Variants in TP53BP2 observed in about 807,000 individuals in gnomAD.
TP53BP2 encodes the protein apoptosis-stimulating of p53 protein 2.
In TP53BP2, 62 loss-of-function variants were observed where a neutral mutation model predicts 126.2. That is an observed-to-expected ratio of 0.49 (90% confidence interval 0.40 to 0.61). The LOEUF (loss-of-function observed/expected upper bound fraction) is 0.61. TP53BP2 is among the 20% of genes least tolerant of loss of function. TP53BP2 has a pLI of 0.00. For synonymous variants in TP53BP2, 485 were observed against 502.9 expected (o/e 0.96, Z 0.48); for missense variants, 1,215 against 1,402.8 (o/e 0.87, Z 2.14).
intron 16 of TP53BP2, among the ~76,000 whole-genome samples, chr1:223,786,351 C>T (rs1388386697): frequency 3.3e-5 from 5 of 152,070 alleles, no homozygotes; most frequent in African/African-American, 1.2e-4. Flanking sequence ...TGTTCTGTCT[C>T]CTAAGGTGGG....
At chr1:223,841,983 G>A (rs1473189086) in intron 1 of TP53BP2, among the ~76,000 whole-genome samples, 5 of 147,710 alleles carry the variant, frequency 3.4e-5, no homozygotes, top group African/African-American at 7.6e-5. Context: ...TGCAACCTCC[G>A]CCTCAAGGGT....
chr1:223,821,356 G>C lies in TP53BP2; in HGVS notation c.39C>G (p.Thr13=), dbSNP rs185255138. The change falls in exon 2 of 18, where the codon ACC becomes ACG. Residue 13 remains threonine, a synonymous_variant. Transcript: ENST00000343537. ...GCTGCTCATTGTTACTGAGATACAC[G>C]GTAAGAAACATCTAAAAATTAAGAG... ...FGSKMMPMFL[T]VYLSNNEQHF... 5 of 1,613,842 alleles carry C rather than the reference G, an allele frequency of 3.1e-6. No homozygotes were observed. In the African/African-American group the frequency reaches 6.7e-5, roughly 22 times the overall value.
chr1:223,832,366 G>T (rs41345146), intron 1 of TP53BP2, among the ~76,000 whole-genome samples: 2,624 of 152,308 alleles, frequency 0.017, 81 homozygotes, highest in African/African-American at 0.06. Context: ...AGGCGATTAT[G>T]CTTGTAGAGA....
intron 1 of TP53BP2, among the ~76,000 whole-genome samples, chr1:223,823,503 A>T (rs116757640): frequency 0.011 from 1,640 of 152,320 alleles, 39 homozygotes; most frequent in African/African-American, 0.038. Flanking sequence ...ACAATTTTTT[A>T]ATGGAAAAAT....
chr1:223,799,251 G>C (rs912272145), intron 11 of TP53BP2, among the ~76,000 whole-genome samples: 1 of 151,964 alleles, frequency 6.6e-6, no homozygotes, highest in African/African-American at 2.4e-5. Flanking sequence ...TTACAGGTGT[G>C]AGCCACCACA....
intron 1 of TP53BP2, among the ~76,000 whole-genome samples, chr1:223,833,961 C>T (rs960224515): frequency 6.6e-6 from 1 of 152,068 alleles, no homozygotes; most frequent in Non-Finnish European, 1.5e-5. Flanking sequence ...AGGAAAGACA[C>T]CTCAGGGTGA....
chr1:223,788,536 A>T (rs781010783), intron 16 of TP53BP2, among the ~76,000 whole-genome samples: 10 of 152,242 alleles, frequency 6.6e-5, no homozygotes, highest in Non-Finnish European at 1.5e-4. Flanking sequence ...AGAAAACAAA[A>T]GAGAAAAAAA....
rs918543144 is a variant in TP53BP2 at position 223,784,187 on chromosome 1, G to A, written c.3291C>T (p.Asp1097=). 8.7e-6 allele frequency: 14 copies of A among 1,614,090 alleles called. No individual in the cohort carries two copies. The highest frequency in any genetic ancestry group is 6.7e-5 in the East Asian group (3 of 44,884). The change falls in exon 17 of 18, where the codon GAC becomes GAT. Residue 1097 remains aspartate, a synonymous_variant. Transcript: ENST00000343537. ...CCCACCACCATTCGATTTCATCTTC[G>A]TCTTCCCTGTGGATGATTGTCATGC... ...GDCMTIIHRE[D]EDEIEWWWAR...
intron 16 of TP53BP2, among the ~76,000 whole-genome samples, chr1:223,784,741 C>T (rs550891274): frequency 1.3e-5 from 2 of 152,198 alleles, no homozygotes; most frequent in South Asian, 4.1e-4. Context: ...TCATTCTTTA[C>T]CCAAAATTCA....
At chr1:223,799,574 A>G (rs1662459898) in intron 11 of TP53BP2, among the ~76,000 whole-genome samples, 1 of 152,254 alleles carries the variant, frequency 6.6e-6, no homozygotes, top group Non-Finnish European at 1.5e-5. Context: ...CAGTTACAGA[A>G]AATTCACCAC....
At chr1:223,832,913 A>G (rs771100747) in intron 1 of TP53BP2, among the ~76,000 whole-genome samples, 35 of 151,974 alleles carry the variant, frequency 2.3e-4, no homozygotes, top group Non-Finnish European at 4.4e-4. Flanking sequence ...CGTCTCCCCA[A>G]TATCTGAGTA....
At chr1:223,790,764 T>C (rs1454437438) in intron 15 of TP53BP2, among the ~76,000 whole-genome samples, 1 of 151,884 alleles carries the variant, frequency 6.6e-6, no homozygotes, top group Non-Finnish European at 1.5e-5. Context: ...CCAGCGCACC[T>C]AGCTAATTTT....
chr1:223,844,468 A>C (rs984495414), intron 1 of TP53BP2, among the ~76,000 whole-genome samples: 5 of 152,164 alleles, frequency 3.3e-5, no homozygotes, highest in African/African-American at 1.2e-4. Context: ...TAACAGCAAA[A>C]TCCATCACCC....
chr1:223,785,876 T>G (rs1353991406), intron 16 of TP53BP2, among the ~76,000 whole-genome samples: 1 of 147,422 alleles, frequency 6.8e-6, no homozygotes, highest in Non-Finnish European at 1.5e-5. Context: ...AAAGAGAACG[T>G]GGAGTAAAAG....
At position 223,785,356 on chromosome 1, in the gene TP53BP2, A is replaced by C. The variant is rs1437738605; in HGVS notation, c.3164-1042T>G. Among the ~76,000 whole-genome samples, 3 of 152,230 alleles carry C rather than the reference A, an allele frequency of 2.0e-5. No individual in the cohort carries two copies. The East Asian group carries it at 5.8e-4, about 29-fold the overall frequency. On this transcript the variant is annotated intron_variant, in intron 16 of 17. Coordinates refer to ENST00000343537, the MANE Select transcript of TP53BP2 (RefSeq NM_001031685.3). ...CAAGAAATTCTTCTTTTCTAGAAGAAGGCTCTGCCAATCTAAAGAGACAAT... is the reference window on the plus strand; with the variant it reads ...CAAGAAATTCTTCTTTTCTAGAAGACGGCTCTGCCAATCTAAAGAGACAAT...
At chr1:223,822,994 A>T (rs1217930752) in intron 1 of TP53BP2, among the ~76,000 whole-genome samples, 1 of 152,248 alleles carries the variant, frequency 6.6e-6, no homozygotes, top group Non-Finnish European at 1.5e-5. Context: ...TTCCAATCAA[A>T]GAAAGAGAAT....
chr1:223,837,223 T>C (rs760944444), intron 1 of TP53BP2, among the ~76,000 whole-genome samples: 8 of 151,504 alleles, frequency 5.3e-5, no homozygotes, highest in Non-Finnish European at 1.0e-4. Context: ...ACTCTGGTCA[T>C]GTGGTCAAAA....
chr1:223,841,982 C>T (rs1168095236), intron 1 of TP53BP2, among the ~76,000 whole-genome samples: 1 of 151,520 alleles, frequency 6.6e-6, no homozygotes, highest in African/African-American at 2.4e-5. Flanking sequence ...CTGCAACCTC[C>T]GCCTCAAGGG....
At chr1:223,826,400 C>T (rs1409473568) in intron 1 of TP53BP2, among the ~76,000 whole-genome samples, 3 of 152,196 alleles carry the variant, frequency 2.0e-5, no homozygotes, top group Non-Finnish European at 4.4e-5. Flanking sequence ...GATGTTGATA[C>T]TGCCGGTCTA....
Sources: allele counts gnomAD v4.1 joint callset (sites outside exome capture counted in the v4.1 genomes callset), GRCh38; gene constraint gnomAD v4.1.1; transcripts MANE v1.5; gene names NCBI Gene and HGNC (gene_info 2026-07-23, HGNC 2026-07-21).